The following GRB10 variants were observed in gnomAD, a reference collection of about 807,000 sequenced individuals.
GRB10 encodes the protein growth factor receptor bound protein 10, also known as growth factor receptor-bound protein 10.
GRB10 carries 20 observed loss-of-function variants against 80.9 expected under a neutral mutation model. The observed-to-expected ratio is 0.25, with a 90% confidence interval of 0.17 to 0.36. The LOEUF is 0.36. Ranked by LOEUF, GRB10 falls within the 10% of genes least tolerant of loss-of-function variation. The pLI, the probability that GRB10 is intolerant of heterozygous loss-of-function variation, is 1.00. For missense variants in GRB10, 548 were observed against 747.7 expected (o/e 0.73, Z 3.12); for synonymous variants, 291 against 291.5 (o/e 1.00, Z 0.02).
intron 4 of GRB10, among the ~76,000 whole-genome samples, chr7:50,718,053 G>A (rs962649261): frequency 6.6e-5 from 10 of 152,188 alleles, no homozygotes; most frequent in African/African-American, 2.4e-4. Flanking sequence ...GACTCAGTCG[G>A]CCCAGACAAT....
chr7:50,790,784 A>G (rs2078879409), intron 1 of GRB10, among the ~76,000 whole-genome samples: 1 of 152,274 alleles, frequency 6.6e-6, no homozygotes, highest in South Asian at 2.1e-4. Flanking sequence ...TAAACCAATC[A>G]AGAATTTCTA....
intron 1 of GRB10, chr7:50,792,570 C>A: frequency 7.5e-6 from 3 of 398,368 alleles, no homozygotes; most frequent in Non-Finnish European, 1.3e-5. Context: ...CACATTTCCA[C>A]GGCTGGCGGG....
chr7:50,711,467 GC>G (rs1462256307), intron 4 of GRB10, among the ~76,000 whole-genome samples: 1 of 152,216 alleles, frequency 6.6e-6, no homozygotes, highest in Non-Finnish European at 1.5e-5. Context: ...CGCTGAGTCT[GC>G]AGATGAACAT....
intron 7 of GRB10, among the ~76,000 whole-genome samples, chr7:50,641,025 G>A (rs1054702896): frequency 4.6e-5 from 7 of 152,044 alleles, no homozygotes; most frequent in Admixed American, 6.6e-5. Context: ...GGCTAGTCAC[G>A]CAGGCTCATG....
intron 4 of GRB10, among the ~76,000 whole-genome samples, chr7:50,714,235 C>G (rs569606319): frequency 4.3e-4 from 65 of 152,326 alleles, no homozygotes; most frequent in African/African-American, 1.5e-3. Context: ...TCTAGAGTAA[C>G]TTAACAGTCT....
intron 16 of GRB10, 46 bp from the exon 17 acceptor site, chr7:50,604,131 A>G (rs750392260): frequency 4.0e-6 from 6 of 1,508,666 alleles, no homozygotes; most frequent in South Asian, 2.2e-5. Context: ...GTGCCTCTGC[A>G]GAATGGCTTC....
At chr7:50,627,667 G>A (rs1446503400) in intron 7 of GRB10, among the ~76,000 whole-genome samples, 5 of 152,226 alleles carry the variant, frequency 3.3e-5, no homozygotes, top group Non-Finnish European at 7.3e-5. Flanking sequence ...GGATGGAGAA[G>A]TAGAGTCCAG....
chr7:50,783,521 C>T (rs1562716989), upstream of GRB10, among the ~76,000 whole-genome samples: 1 of 151,026 alleles, frequency 6.6e-6, no homozygotes, highest in East Asian at 1.9e-4. Flanking sequence ...CACACATACA[C>T]CACACACACA....
At chr7:50,718,995 A>C (rs2067301523) in intron 4 of GRB10, among the ~76,000 whole-genome samples, 1 of 152,220 alleles carries the variant, frequency 6.6e-6, no homozygotes. Context: ...GATCCATTCA[A>C]CAAATATTTA....
intron 3 of GRB10, among the ~76,000 whole-genome samples, chr7:50,738,840 T>C (rs1475356613): frequency 2.0e-5 from 3 of 152,230 alleles, no homozygotes; most frequent in Non-Finnish European, 4.4e-5. Flanking sequence ...TCAATATCTG[T>C]TGTCTTTTTG....
Position 50,614,784 on chromosome 7 carries a change from C to T in GRB10, c.1081G>A (p.Gly361Arg). ...RKQYNAPTDH[G>R]LCIKPNKVRN... The stretch of plus-strand genomic sequence containing the variant: ...CTCGTGGGTACCTTTATGCAGAGCC[C>T]GTGGTCTGTAGGGGCGTTGTACTGC... The change falls in exon 12 of 19, where the codon GGG (glycine) becomes AGG (arginine). Residue 361 changes from glycine to arginine, a missense_variant. Coordinates refer to ENST00000401949, the MANE Select transcript of GRB10 (RefSeq NM_001350814.2). 2 of 1,612,558 alleles carry T rather than the reference C, an allele frequency of 1.2e-6. No homozygotes were observed. Among genetic ancestry groups the T allele is most frequent in the Non-Finnish European group, 1.7e-6 (2 of 1,178,668 alleles).
Position 50,631,075 on chromosome 7 carries a change from G to A in GRB10, c.505-4097C>T, listed in dbSNP as rs569189321. On this transcript the variant is annotated intron_variant, in intron 7 of 18. Coordinates refer to ENST00000401949, the MANE Select transcript of GRB10 (RefSeq NM_001350814.2). ...TTTTTGTCTCAGTGGCCCCCACGGG[G>A]TTGTTGTGTGTGTGGGAGTCATTCA... is the stretch of plus-strand genomic sequence containing the variant. 3.3e-5 allele frequency among the ~76,000 whole-genome samples: 5 copies of A among 152,254 alleles called. No individual in the cohort carries two copies. In the South Asian group the frequency reaches 6.2e-4, roughly 19 times the overall value.
chr7:50,709,201 A>G (rs1013270295), intron 4 of GRB10, among the ~76,000 whole-genome samples: 1 of 152,222 alleles, frequency 6.6e-6, no homozygotes, highest in Non-Finnish European at 1.5e-5. Flanking sequence ...GATGAACACG[A>G]GAAGCCCTCC....
At chr7:50,613,773 G>T (rs1422772021) in intron 12 of GRB10, among the ~76,000 whole-genome samples, 1 of 152,154 alleles carries the variant, frequency 6.6e-6, no homozygotes, top group Non-Finnish European at 1.5e-5. Flanking sequence ...TGAATTAGAC[G>T]CCTATTACTT....
rs2060689549 is a variant in GRB10 at position 50,674,420 on chromosome 7, T to C, written c.362+16A>G. On this transcript the variant is annotated intron_variant, in intron 6 of 18. Coordinates refer to ENST00000401949, the MANE Select transcript of GRB10 (RefSeq NM_001350814.2). Reference sequence around the variant, plus strand: ...TCATCCTTGGAGAAGGCTCTGCCCATAAGGCCTGGACCTACCTGACAGCGA... The same window carrying C: ...TCATCCTTGGAGAAGGCTCTGCCCACAAGGCCTGGACCTACCTGACAGCGA... 6.2e-7 allele frequency: 1 copy of C among 1,600,718 alleles called. No individual in the cohort carries two copies.
chr7:50,687,444 G>A (rs2062234944), intron 5 of GRB10, among the ~76,000 whole-genome samples: 1 of 152,174 alleles, frequency 6.6e-6, no homozygotes, highest in African/African-American at 2.4e-5. Flanking sequence ...CATCCCAATA[G>A]TGTTTCTGTC....
At chr7:50,703,103 G>T (rs2064483659) in intron 5 of GRB10, among the ~76,000 whole-genome samples, 1 of 152,196 alleles carries the variant, frequency 6.6e-6, no homozygotes, top group Admixed American at 6.5e-5. Context: ...TCTAACAATT[G>T]AGAAAACATT....
At chr7:50,740,957 TC>T (rs2071627381) in intron 3 of GRB10, among the ~76,000 whole-genome samples, 1 of 152,102 alleles carries the variant, frequency 6.6e-6, no homozygotes, top group Non-Finnish European at 1.5e-5. Flanking sequence ...GCAATGATAG[TC>T]AAGTGTCACT....
At chr7:50,713,949 C>T (rs1259845033) in intron 4 of GRB10, among the ~76,000 whole-genome samples, 1 of 151,900 alleles carries the variant, frequency 6.6e-6, no homozygotes, top group Non-Finnish European at 1.5e-5. Flanking sequence ...CTCCTTCCCA[C>T]CACCCTTCAC....
Sources: allele counts gnomAD v4.1 joint callset (sites outside exome capture counted in the v4.1 genomes callset), GRCh38; gene constraint gnomAD v4.1.1; transcripts MANE v1.5; gene names NCBI Gene and HGNC (gene_info 2026-07-23, HGNC 2026-07-21).